FAM76B: variants seen among roughly 807,000 people sequenced by gnomAD.
FAM76B encodes protein FAM76B.
Under a neutral mutation model 51.8 loss-of-function variants are expected in FAM76B, and 16 were observed. The observed-to-expected ratio is 0.31, with a 90% CI of 0.21 to 0.47. The LOEUF (loss-of-function observed/expected upper bound fraction) is 0.47, where lower values mean the gene tolerates loss of function less well. Among genes scored for constraint, FAM76B ranks in the 20% least tolerant of loss-of-function variants. The pLI, the probability that FAM76B is intolerant of heterozygous loss-of-function variation, is 1.00. For missense variants in FAM76B, 342 were observed against 392.6 expected, an observed-to-expected ratio of 0.87 and a Z score of 1.09; for synonymous variants, 166 against 129.5, an observed-to-expected ratio of 1.28 and a Z score of -1.91.
chr11:95,776,928 A>C (rs1265079647), intron 8 of FAM76B, among the ~76,000 whole-genome samples: 1 of 150,560 alleles, frequency 6.6e-6, no homozygotes, highest in Non-Finnish European at 1.5e-5. Flanking sequence ...TTATAGTCTT[A>C]TTAAAAAAAA....
At chr11:95,787,142 G>A (rs950405517) in intron 3 of FAM76B, among the ~76,000 whole-genome samples, 7 of 152,104 alleles carry the variant, frequency 4.6e-5, no homozygotes, top group African/African-American at 1.4e-4. Flanking sequence ...TATATAATTT[G>A]ACTGTTTTTA....
At position 95,771,554 on chromosome 11, in the gene FAM76B, G is replaced by C; in HGVS notation, c.*7C>G. The C allele has an allele frequency of 6.3e-7, 1 of 1,598,196 alleles. No homozygotes were observed. The highest frequency in any genetic ancestry group is 1.3e-5 in the African/African-American group (1 of 74,300). On this transcript the variant is annotated 3_prime_UTR_variant, in exon 10 of 10. Transcript: ENST00000358780. Reference sequence around the variant, plus strand: ...TTGTAAGAAGAAATGCTAAACAAATGACTTTCTCAAGGAGATGTTAGTATG... The same window carrying C: ...TTGTAAGAAGAAATGCTAAACAAATCACTTTCTCAAGGAGATGTTAGTATG...
Position 95,776,037 on chromosome 11 carries a change from G to GA in FAM76B, c.829-15dup, listed in dbSNP as rs1245030208. 4.0e-6 allele frequency: 6 copies of GA among 1,494,742 alleles called. No homozygotes were observed. The highest frequency in any genetic ancestry group is 5.4e-6 in the Non-Finnish European group (6 of 1,101,754). The allele number at this position is 1,494,742 out of a possible 1,614,324, so 92.6% of individuals were successfully genotyped here. A position where few individuals can be genotyped will look rare whatever the true frequency, so the allele number is the denominator to read the frequency against. ...TAGTTCAGTTAACTGAGAGATTAAA[G>GA]AAAAAATATATGTATATATTTGCAC... On this transcript the variant is annotated splice_polypyrimidine_tract_variant and intron_variant, in intron 8 of 9. Transcript: ENST00000358780.
At position 95,788,761 on chromosome 11, in the gene FAM76B, C is replaced by T. The variant is rs930926491; in HGVS notation, c.88-198G>A. The stretch of plus-strand genomic sequence containing the variant: ...TTAGGGAAGGCACAGGTGTCTTTGT[C>T]TTTAGTAGACGTGGGGGTATATTAC... On this transcript the variant is annotated intron_variant, in intron 1 of 9. Transcript: ENST00000358780. 2.1e-5 allele frequency: 29 copies of T among 1,399,830 alleles called. No homozygotes were observed. The African/African-American group carries it at 2.9e-4, about 14-fold the overall frequency. 86.7% of individuals were successfully genotyped at this position (1,399,830 alleles called of 1,614,324 possible). A position where few individuals can be genotyped will look rare whatever the true frequency, so the allele number is the denominator to read the frequency against.
chr11:95,783,603 A>G (rs564448851), intron 4 of FAM76B, among the ~76,000 whole-genome samples: 3 of 152,352 alleles, frequency 2.0e-5, no homozygotes, highest in South Asian at 2.1e-4. Context: ...CTGAATTCTT[A>G]TATCGCTGTG....
chr11:95,773,967 T>A (rs549745701), intron 9 of FAM76B, among the ~76,000 whole-genome samples: 26 of 148,460 alleles, frequency 1.8e-4, no homozygotes, highest in African/African-American at 6.4e-4. Context: ...TACATAAAGA[T>A]AAAAAAAAAA....
At chr11:95,783,740 T>TA (rs1324158386) in intron 4 of FAM76B, among the ~76,000 whole-genome samples, 1 of 152,216 alleles carries the variant, frequency 6.6e-6, no homozygotes, top group East Asian at 1.9e-4. Context: ...GCCTACCTAG[T>TA]AAAATGTATC....
chr11:95,783,865 G>A (rs1860410173), intron 4 of FAM76B, among the ~76,000 whole-genome samples: 1 of 152,194 alleles, frequency 6.6e-6, no homozygotes, highest in South Asian at 2.1e-4. Flanking sequence ...GTGGAACAAG[G>A]TGATGCTCTG....
rs138534952 is a variant in FAM76B at position 95,788,733 on chromosome 11, T to A, written c.88-170A>T. 509 of 1,286,672 alleles carry A rather than the reference T, an allele frequency of 4.0e-4. 4 individuals carry two copies. In the African/African-American group the frequency reaches 6.8e-3, roughly 17 times the overall value. The allele number at this position is 1,286,672 out of a possible 1,614,324, so 79.7% of individuals were successfully genotyped here. On this transcript the variant is annotated intron_variant, in intron 1 of 9. Coordinates refer to ENST00000358780, the MANE Select transcript of FAM76B (RefSeq NM_144664.5). ...TATAAGTGGCCAATCACAATATAAT[T>A]CCTTAGGGAAGGCACAGGTGTCTTT...
chr11:95,779,537 A>T lies in FAM76B; in HGVS notation c.692+70T>A. On this transcript the variant is annotated intron_variant, in intron 7 of 9. Coordinates refer to ENST00000358780, the MANE Select transcript of FAM76B (RefSeq NM_144664.5). ...CATGTTTCTATTTTTTTATCTAGTA[A>T]TAACTGGCATTCAACCATAACTATT... 5 of 1,277,036 alleles carry T rather than the reference A, an allele frequency of 3.9e-6. No homozygotes were observed. The South Asian group carries it at 6.9e-5, about 18-fold the overall frequency. 79.1% of individuals were successfully genotyped at this position (1,277,036 alleles called of 1,614,324 possible).
In FAM76B at chr11:95,786,102, A is replaced by G. The variant is rs368631036; in HGVS notation, c.363+17T>C. 4.2e-5 allele frequency: 66 copies of G among 1,588,430 alleles called. No individual in the cohort carries two copies. Among genetic ancestry groups the G allele is most frequent in the Non-Finnish European group, 5.4e-5 (63 of 1,165,786 alleles). ...TATTTAATTTCCAGAAGATGTCATA[A>G]CATAAATAAAGCATACCTTTCTTCT... On this transcript the variant is annotated intron_variant, in intron 4 of 9. Coordinates refer to ENST00000358780, the MANE Select transcript of FAM76B (RefSeq NM_144664.5).
rs568630832 is a variant in FAM76B, at chr11:95,789,175, G to A, written c.87+217C>T. 34 of 1,058,814 alleles carry A rather than the reference G, an allele frequency of 3.2e-5. 1 individual carries two copies. The Middle Eastern group carries it at 1.3e-3, about 39-fold the overall frequency. The allele number at this position is 1,058,814 out of a possible 1,614,324, so 65.6% of individuals were successfully genotyped here. A position where few individuals can be genotyped will look rare whatever the true frequency, so the allele number is the denominator to read the frequency against. ...ACGGGGCCCGGCACCCTCCTGGGCC[G>A]CCTGGAAAAGGGCACGATTCTGCCT... is the stretch of plus-strand genomic sequence containing the variant. On this transcript the variant is annotated intron_variant, in intron 1 of 9. Coordinates refer to ENST00000358780, the MANE Select transcript of FAM76B (RefSeq NM_144664.5).
At chr11:95,774,477 T>C (rs542655634) in intron 9 of FAM76B, among the ~76,000 whole-genome samples, 1 of 151,516 alleles carries the variant, frequency 6.6e-6, no homozygotes, top group African/African-American at 2.4e-5. Context: ...ACTGCTCTTT[T>C]GAACAGTGGG....
rs368026818 is a variant in FAM76B, at chr11:95,789,485, C to T, written c.-7G>A. On this transcript the variant is annotated 5_prime_UTR_variant, in exon 1 of 10. Transcript: ENST00000358780. ...ACAGGGCCGAGGCCGCCATCCTGCTCCTCAGTCTCCTCCTCCGCCGCCGCC... is the reference window on the plus strand; with the variant it reads ...ACAGGGCCGAGGCCGCCATCCTGCTTCTCAGTCTCCTCCTCCGCCGCCGCC... 390 of 1,597,118 alleles carry T rather than the reference C, an allele frequency of 2.4e-4. 1 individual carries two copies. In the African/African-American group the frequency reaches 4.4e-3, roughly 18 times the overall value.
intron 1 of FAM76B, chr11:95,788,986 C>T: frequency 1.5e-6 from 2 of 1,349,848 alleles, no homozygotes; most frequent in South Asian, 1.2e-5. Context: ...TTTGCGGCTT[C>T]GGGTTCCTAG....
At position 95,784,558 on chromosome 11, in the gene FAM76B, GTGTGTGTA is replaced by G. The variant is rs973804963; in HGVS notation, c.364-1302_364-1295del. 2.8e-3 allele frequency among the ~76,000 whole-genome samples: 422 copies of G among 149,112 alleles called. 4 individuals are homozygous for G. Among genetic ancestry groups the G allele is most frequent in the African/African-American group, 0.01 (404 of 39,670 alleles). On this transcript the variant is annotated intron_variant, in intron 4 of 9. Coordinates refer to ENST00000358780, the MANE Select transcript of FAM76B (RefSeq NM_144664.5). ...GTGCAATTAAATTAATCGACAGTGT[GTGTGTGTA>G]TATATACACACACACACACACACAC...
At chr11:95,789,188 C>T (rs1353615101) in intron 1 of FAM76B, 3 of 991,954 alleles carry the variant, frequency 3.0e-6, no homozygotes, top group Non-Finnish European at 4.3e-6. Flanking sequence ...TGGAAAAGGG[C>T]ACGATTCTGC....
chr11:95,788,205 AT>A (rs982225743), intron 2 of FAM76B, among the ~76,000 whole-genome samples: 1 of 151,456 alleles, frequency 6.6e-6, no homozygotes, highest in Non-Finnish European at 1.5e-5. Context: ...AGGCTTTACC[AT>A]TTTTTTTTAG....
intron 2 of FAM76B, among the ~76,000 whole-genome samples, chr11:95,787,935 T>C (rs1860692360): frequency 6.6e-6 from 1 of 152,220 alleles, no homozygotes; most frequent in Non-Finnish European, 1.5e-5. Flanking sequence ...TCCAAAATCT[T>C]CACACTTGAC....
Sources: allele counts gnomAD v4.1 joint callset (sites outside exome capture counted in the v4.1 genomes callset), GRCh38; gene constraint gnomAD v4.1.1; transcripts MANE v1.5; gene names NCBI Gene and HGNC (gene_info 2026-07-23, HGNC 2026-07-21).